KLHL8: variants seen among roughly 807,000 people sequenced by gnomAD.
The protein encoded by KLHL8 is kelch-like protein 8.
KLHL8 carries 38 observed loss-of-function variants against 63.5 expected under a neutral mutation model. The observed-to-expected ratio is 0.60, with a 90% CI of 0.46 to 0.78. KLHL8 has a LOEUF of 0.78. Among genes scored for constraint, KLHL8 ranks in the 30% least tolerant of loss-of-function variants. KLHL8 has a pLI of 0.00. For synonymous variants in KLHL8, 224 were observed against 254.3 expected, an observed-to-expected ratio of 0.88 and a Z score of 1.13; for missense variants, 566 against 752.4, an observed-to-expected ratio of 0.75 and a Z score of 2.90.
chr4:87,164,480 C>A (rs1304074761), intron 8 of KLHL8, among the ~76,000 whole-genome samples: 1 of 152,072 alleles, frequency 6.6e-6, no homozygotes, highest in African/African-American at 2.4e-5. Context: ...AGTAAGAAGG[C>A]ATAAGAAAGG....
At chr4:87,166,938 C>T (rs1464506945) in intron 8 of KLHL8, 2 of 170,068 alleles carry the variant, frequency 1.2e-5, no homozygotes, top group Non-Finnish European at 2.5e-5. Context: ...AGTGAGGATG[C>T]GGGGGCCGCT....
At chr4:87,226,986 AATATATAAATAATATATATT>A (rs1560724037) in intron 1 of KLHL8, among the ~76,000 whole-genome samples, 2 of 59,374 alleles carry the variant, frequency 3.4e-5, no homozygotes, top group South Asian at 4.8e-4. Context: ...AATAATATAT[AATATATAAATAATATATATT>A]ATATATAAAT....
chr4:87,193,798 G>A (rs1040733289), intron 2 of KLHL8, among the ~76,000 whole-genome samples: 1 of 152,138 alleles, frequency 6.6e-6, no homozygotes, highest in African/African-American at 2.4e-5. Context: ...GAATTTTTCA[G>A]CTCCATTCTA....
chr4:87,210,282 C>T (rs901067542), intron 1 of KLHL8, among the ~76,000 whole-genome samples: 2 of 152,130 alleles, frequency 1.3e-5, no homozygotes, highest in Admixed American at 6.5e-5. Context: ...GAGATCGAGA[C>T]CATCGGCTAA....
At chr4:87,170,686 T>C in intron 6 of KLHL8, 71 bp from the exon 7 acceptor site, 1 of 1,329,580 alleles carries the variant, frequency 7.5e-7, no homozygotes, top group Non-Finnish European at 1.0e-6. Flanking sequence ...TAAAAAATTG[T>C]GCTAATGCAA....
chr4:87,169,024 G>A (rs1003626651), intron 8 of KLHL8, among the ~76,000 whole-genome samples: 1 of 151,540 alleles, frequency 6.6e-6, no homozygotes, highest in African/African-American at 2.4e-5. Context: ...AAATACCTAG[G>A]CCAGGTGTGG....
Position 87,217,460 on chromosome 4 carries a change from G to T in KLHL8, c.-152+2958C>A, listed in dbSNP as rs1285910740. 7.2e-5 allele frequency among the ~76,000 whole-genome samples: 11 copies of T among 151,842 alleles called. 1 individual carries two copies. Among genetic ancestry groups the T allele is most frequent in the Admixed American group, 7.2e-4 (11 of 15,236 alleles). On this transcript the variant is annotated intron_variant, in intron 1 of 9. Transcript: ENST00000273963. ...GGTGATCCTCCCACCTCAGTCTCCC[G>T]AGTAGCTGGGACCACAGGTGCACAC...
chr4:87,194,543 G>A (rs925731808), intron 2 of KLHL8, among the ~76,000 whole-genome samples: 1 of 152,210 alleles, frequency 6.6e-6, no homozygotes, highest in Non-Finnish European at 1.5e-5. Context: ...GCACGGTGGT[G>A]CATGCATCTA....
intron 2 of KLHL8, among the ~76,000 whole-genome samples, chr4:87,193,041 T>C (rs1386225286): frequency 6.6e-6 from 1 of 152,202 alleles, no homozygotes; most frequent in Non-Finnish European, 1.5e-5. Flanking sequence ...GTAGACTTTA[T>C]AAACACTGTA....
At chr4:87,239,084 A>G (rs963252587) in intron 1 of KLHL8, among the ~76,000 whole-genome samples, 2 of 152,192 alleles carry the variant, frequency 1.3e-5, no homozygotes, top group Non-Finnish European at 2.9e-5. Flanking sequence ...TACAATATAT[A>G]CCTTTTTCGC....
intron 4 of KLHL8, among the ~76,000 whole-genome samples, chr4:87,182,355 C>T (rs1344435054): frequency 6.6e-6 from 1 of 151,674 alleles, no homozygotes; most frequent in Non-Finnish European, 1.5e-5. Flanking sequence ...TGACTTTCAG[C>T]ATTTCTTTGT....
rs12641403 is a variant in KLHL8 at position 87,168,817 on chromosome 4, T to C, written c.1537+1262A>G. On this transcript the variant is annotated intron_variant, in intron 8 of 9. Transcript: ENST00000273963. ...ATACACACATATATATACACACACA[T>C]ATATATATATCCTTCTTTTTTAAGA... is the stretch of plus-strand genomic sequence containing the variant. Among the ~76,000 whole-genome samples, 8 of 1,084 alleles carry C rather than the reference T, an allele frequency of 7.4e-3. No individual in the cohort carries two copies. In the East Asian group the frequency reaches 0.38, roughly 51 times the overall value. The allele number at this position is 1,084 out of a possible 152,430, so 0.7% of individuals were successfully genotyped here.
intron 1 of KLHL8, among the ~76,000 whole-genome samples, chr4:87,235,648 C>G (rs775141256): frequency 2.6e-5 from 4 of 152,106 alleles, no homozygotes; most frequent in Non-Finnish European, 5.9e-5. Flanking sequence ...TTAATCGTCA[C>G]CTAGCATGAT....
In KLHL8 at chr4:87,183,288, T is replaced by C; in HGVS notation, c.867A>G (p.Ala289=). ...TACTCAAGTGAAGGTGGTAATTTCT[T>C]GCTTCATCCAGTAAATCTCTACATT... ...NLKCRDLLDE[A]RNYHLHLSSR... The change falls in exon 4 of 10, where the codon GCA becomes GCG. Residue 289 remains alanine (A), a synonymous_variant. Transcript: ENST00000273963. 2 of 1,613,884 alleles carry C rather than the reference T, an allele frequency of 1.2e-6. No individual in the cohort carries two copies. The highest frequency in any genetic ancestry group is 1.7e-4 in the Middle Eastern group (1 of 6,060).
At chr4:87,197,385 G>C (rs903170428) in intron 1 of KLHL8, among the ~76,000 whole-genome samples, 2 of 152,144 alleles carry the variant, frequency 1.3e-5, no homozygotes, top group Non-Finnish European at 2.9e-5. Context: ...CCTGAGAGAG[G>C]CTTTCACCTG....
At chr4:87,231,064 G>A (rs1733127326) in intron 1 of KLHL8, among the ~76,000 whole-genome samples, 1 of 152,250 alleles carries the variant, frequency 6.6e-6, no homozygotes, top group African/African-American at 2.4e-5. Flanking sequence ...TAGAAGTACT[G>A]AGAAGTTTGT....
rs536076904 is a variant in KLHL8 at position 87,215,074 on chromosome 4, T to C, written c.-152+5344A>G. 7.9e-5 allele frequency among the ~76,000 whole-genome samples: 12 copies of C among 152,300 alleles called. No homozygotes were observed. In the South Asian group the frequency reaches 2.1e-3, roughly 26 times the overall value. On this transcript the variant is annotated intron_variant, in intron 1 of 9. Coordinates refer to ENST00000273963, the MANE Select transcript of KLHL8 (RefSeq NM_020803.5). ...TCGGCCTCCCACGGTGCTGGAATTA[T>C]AGGCGTGAGCCACCCCGCTCGGCCA...
intron 2 of KLHL8, among the ~76,000 whole-genome samples, chr4:87,190,033 C>CAAA (rs35607781): frequency 1.4e-4 from 11 of 76,704 alleles, no homozygotes; most frequent in South Asian, 4.3e-4. Context: ...GCCTCCATCT[C>CAAA]AAAAAAAAAA....
chr4:87,221,850 T>C (rs1732865451), upstream of KLHL8, among the ~76,000 whole-genome samples: 1 of 152,186 alleles, frequency 6.6e-6, no homozygotes, highest in Non-Finnish European at 1.5e-5. Flanking sequence ...GCACATTTAA[T>C]GCAAATACCT....
Sources: allele counts gnomAD v4.1 joint callset (sites outside exome capture counted in the v4.1 genomes callset), GRCh38; gene constraint gnomAD v4.1.1; transcripts MANE v1.5; gene names NCBI Gene and HGNC (gene_info 2026-07-23, HGNC 2026-07-21).